The following PREX2 variants were observed in gnomAD, a reference collection of about 807,000 sequenced individuals.
PREX2 encodes phosphatidylinositol-3,4,5-trisphosphate dependent Rac exchange factor 2, also known as phosphatidylinositol 3,4,5-trisphosphate-dependent Rac exchanger 2 protein.
Under a neutral mutation model 203.2 loss-of-function variants are expected in PREX2, and 107 were observed. The observed-to-expected ratio is 0.53, with a 90% CI of 0.45 to 0.62. PREX2 has a LOEUF of 0.62. PREX2 is among the 20% of genes least tolerant of loss of function. The pLI, the probability that PREX2 is intolerant of heterozygous loss-of-function variation, is 0.00. For missense variants in PREX2, 1,777 were observed against 1,955.9 expected, an observed-to-expected ratio of 0.91 and a Z score of 1.72; for synonymous variants, 672 against 663.6, an observed-to-expected ratio of 1.01 and a Z score of -0.19.
chr8:67,975,455 T>A (rs1375118995), intron 1 of PREX2, among the ~76,000 whole-genome samples: 1 of 151,894 alleles, frequency 6.6e-6, no homozygotes, highest in Non-Finnish European at 1.5e-5. Flanking sequence ...AGTGAATACA[T>A]GCTTTTAAAG....
At chr8:68,018,373 A>G (rs1281523208) in intron 2 of PREX2, among the ~76,000 whole-genome samples, 1 of 152,176 alleles carries the variant, frequency 6.6e-6, no homozygotes, top group East Asian at 1.9e-4. Flanking sequence ...AGGCTGAGGC[A>G]GGAGAATTGC....
In PREX2 at chr8:68,071,064, A is replaced by G. The variant is rs71515088; in HGVS notation, c.1493+1180A>G. Among the ~76,000 whole-genome samples the G allele has an allele frequency of 5.9e-5, 9 of 152,306 alleles. No individual in the cohort carries two copies. In the South Asian group the frequency reaches 6.2e-4, roughly 11 times the overall value. ...TTCTTTTCTGCTAAACTAAGATAAA[A>G]CAATAATGTTTAATGTACCATGTAA... On this transcript the variant is annotated intron_variant, in intron 13 of 39. Transcript: ENST00000288368.
At position 68,232,620 on chromosome 8, in the gene PREX2, T is replaced by A. The variant is rs1157296939; in HGVS notation, c.*1242T>A. 2 of 150,794 alleles carry A rather than the reference T, an allele frequency of 1.3e-5. No homozygotes were observed. The highest frequency in any genetic ancestry group is 1.5e-5 in the Non-Finnish European group (1 of 67,624). The allele number at this position is 150,794 out of a possible 1,614,324, so 9.3% of individuals were successfully genotyped here. On this transcript the variant is annotated 3_prime_UTR_variant, in exon 40 of 40. Coordinates refer to ENST00000288368, the MANE Select transcript of PREX2 (RefSeq NM_024870.4). ...TAAATTATGTGCAAACTATTATTAATTTTTTTTTTATTTTTTGAAACTGAG... is the reference window on the plus strand; with the variant it reads ...TAAATTATGTGCAAACTATTATTAAATTTTTTTTTATTTTTTGAAACTGAG...
chr8:68,194,947 A>G (rs546343067), intron 37 of PREX2, among the ~76,000 whole-genome samples: 3 of 152,282 alleles, frequency 2.0e-5, no homozygotes, highest in African/African-American at 7.2e-5. Context: ...TGTGGCCTCA[A>G]CAAAGCATCA....
intron 4 of PREX2, among the ~76,000 whole-genome samples, chr8:68,025,421 G>A (rs1807690233): frequency 6.6e-6 from 1 of 151,326 alleles, no homozygotes; most frequent in Admixed American, 6.6e-5. Context: ...TCTCTTTTTT[G>A]CTGCTTTCTA....
intron 32 of PREX2, among the ~76,000 whole-genome samples, chr8:68,135,092 A>G (rs960686170): frequency 4.3e-4 from 25 of 58,212 alleles, no homozygotes; most frequent in African/African-American, 1.4e-3. Flanking sequence ...GAGCTTAAAA[A>G]CAAATTTTGT....
intron 9 of PREX2, among the ~76,000 whole-genome samples, chr8:68,054,373 A>AC (rs1390994744): frequency 8.4e-6 from 1 of 119,026 alleles, no homozygotes; most frequent in Non-Finnish European, 1.7e-5. Context: ...GAAAAAAACA[A>AC]AACAAAATAA....
intron 3 of PREX2, among the ~76,000 whole-genome samples, chr8:68,020,333 CAA>C (rs67292795): frequency 0.014 from 1,503 of 106,074 alleles, 21 homozygotes; most frequent in African/African-American, 0.041. Flanking sequence ...GCATTCACAC[CAA>C]AAAAAAAAAA....
intron 23 of PREX2, among the ~76,000 whole-genome samples, chr8:68,107,675 T>A (rs1301600425): frequency 6.6e-6 from 1 of 152,140 alleles, no homozygotes; most frequent in Non-Finnish European, 1.5e-5. Flanking sequence ...GTTTGGGACA[T>A]CCCATCTTCC....
intron 1 of PREX2, among the ~76,000 whole-genome samples, chr8:68,016,130 T>C (rs1807403729): frequency 6.6e-6 from 1 of 152,224 alleles, no homozygotes; most frequent in East Asian, 1.9e-4. Flanking sequence ...AGTTATAACA[T>C]GCTTATAGCT....
chr8:68,077,747 T>G (rs1809392780), intron 15 of PREX2, among the ~76,000 whole-genome samples: 1 of 152,138 alleles, frequency 6.6e-6, no homozygotes, highest in Non-Finnish European at 1.5e-5. Flanking sequence ...GAGCTAGAAG[T>G]TTTTCTGTTT....
At position 68,093,871 on chromosome 8, in the gene PREX2, A is replaced by G. The variant is rs193103942; in HGVS notation, c.2368+149A>G. The stretch of plus-strand genomic sequence containing the variant: ...CAGATGTCTGTCAAATGCATAAGTA[A>G]TAATAGCTAGTAGCTGGCAAATTCT... On this transcript the variant is annotated intron_variant, in intron 21 of 39. Coordinates refer to ENST00000288368, the MANE Select transcript of PREX2 (RefSeq NM_024870.4). 313 of 464,770 alleles carry G rather than the reference A, an allele frequency of 6.7e-4. 1 individual carries two copies. The highest frequency in any genetic ancestry group is 5.6e-3 in the African/African-American group (283 of 50,696). 28.8% of individuals were successfully genotyped at this position (464,770 alleles called of 1,614,324 possible).
chr8:68,026,982 C>T (rs1807737948), intron 4 of PREX2, among the ~76,000 whole-genome samples: 1 of 152,102 alleles, frequency 6.6e-6, no homozygotes, highest in African/African-American at 2.4e-5. Context: ...TTTCCTCAGA[C>T]TTCATACTCA....
At chr8:67,980,293 G>A (rs1207680909) in intron 1 of PREX2, among the ~76,000 whole-genome samples, 2 of 152,016 alleles carry the variant, frequency 1.3e-5, no homozygotes, top group African/African-American at 2.4e-5. Flanking sequence ...CTTCCCCCAG[G>A]GTCTCCACTC....
intron 22 of PREX2, among the ~76,000 whole-genome samples, chr8:68,098,995 C>T (rs1810180338): frequency 7.2e-6 from 1 of 138,336 alleles, no homozygotes; most frequent in Non-Finnish European, 1.5e-5. Flanking sequence ...AATTAATTCT[C>T]AGGTCATTGG....
chr8:68,061,717 C>G (rs1808861352), intron 11 of PREX2, among the ~76,000 whole-genome samples: 2 of 152,162 alleles, frequency 1.3e-5, no homozygotes, highest in Non-Finnish European at 2.9e-5. Context: ...AAGATGCAGG[C>G]TTTGCTGTGG....
chr8:68,106,315 A>T (rs1455984956), intron 23 of PREX2: 1 of 514,444 alleles, frequency 1.9e-6, no homozygotes, highest in Non-Finnish European at 3.9e-6. Context: ...TCTAGCCTTA[A>T]ACTCTATGTC....
chr8:68,215,638 C>T (rs1812820660), intron 37 of PREX2, among the ~76,000 whole-genome samples: 2 of 151,894 alleles, frequency 1.3e-5, no homozygotes, highest in Admixed American at 1.3e-4. Flanking sequence ...GAGTTCACGC[C>T]CTTCTCCTGC....
rs575389610 is a variant in PREX2 at position 68,137,210 on chromosome 8, GCAACTTTTACAAATGCTGTATACAA to G, written c.3985-1202_3985-1178del. Among the ~76,000 whole-genome samples the G allele has an allele frequency of 6.2e-3, 940 of 151,684 alleles. 10 individuals carry two copies. Among genetic ancestry groups the G allele is most frequent in the African/African-American group, 0.021 (882 of 41,368 alleles). On this transcript the variant is annotated intron_variant, in intron 32 of 39. Coordinates refer to ENST00000288368, the MANE Select transcript of PREX2 (RefSeq NM_024870.4). ...CGTGAGCCACCATGCCTGGCCTACA[GCAACTTTTACAAATGCTGTATACAA>G]CATGTTAAACTAACTGTTTAAAAGG...
Sources: gnomAD v4.1 joint callset for allele counts (sites outside exome capture counted in the v4.1 genomes callset) on GRCh38, gnomAD v4.1.1 for gene constraint, MANE v1.5 for transcripts, NCBI Gene and HGNC (gene_info 2026-07-23, HGNC 2026-07-21) for gene names.